CSMD3: variants seen among roughly 807,000 people sequenced by gnomAD.
CSMD3 encodes the protein CUB and Sushi multiple domains 3, also known as CUB and sushi domain-containing protein 3.
In CSMD3, 177 loss-of-function variants were observed where a neutral mutation model predicts 435.2. That is an observed-to-expected ratio of 0.41 (90% CI 0.36 to 0.46). The LOEUF is 0.46. Among genes scored for constraint, CSMD3 ranks in the 20% least tolerant of loss-of-function variants. The pLI is 0.34. For synonymous variants in CSMD3, 1,656 were observed against 1,520.5 expected (o/e 1.09, Z -2.07); for missense variants, 4,265 against 4,504.6 (o/e 0.95, Z 1.52).
At chr8:112,545,424 A>C (rs1827067280) in intron 27 of CSMD3, among the ~76,000 whole-genome samples, 1 of 142,302 alleles carries the variant, frequency 7.0e-6, no homozygotes, top group Non-Finnish European at 1.5e-5. Flanking sequence ...TGTAGGTTGC[A>C]GTGACCCAAG....
At chr8:113,226,859 A>G (rs1303953833) in intron 3 of CSMD3, among the ~76,000 whole-genome samples, 1 of 151,552 alleles carries the variant, frequency 6.6e-6, no homozygotes, top group Non-Finnish European at 1.5e-5. Flanking sequence ...TCCCATAAAG[A>G]TATAATAAAG....
intron 22 of CSMD3, among the ~76,000 whole-genome samples, chr8:112,626,373 C>G (rs1834475677): frequency 6.6e-6 from 1 of 151,970 alleles, no homozygotes; most frequent in Non-Finnish European, 1.5e-5. Context: ...TACATTTGAA[C>G]CTATCTTAGC....
chr8:112,641,523 G>C (rs1384145891), intron 20 of CSMD3, among the ~76,000 whole-genome samples: 7 of 152,018 alleles, frequency 4.6e-5, no homozygotes, highest in Non-Finnish European at 1.0e-4. Context: ...GTCCGTAGAG[G>C]GGTATAAAAA....
At chr8:113,325,328 T>G (rs562163957) in intron 1 of CSMD3, among the ~76,000 whole-genome samples, 1 of 152,266 alleles carries the variant, frequency 6.6e-6, no homozygotes, top group South Asian at 2.1e-4. Flanking sequence ...CAGTGAGAGA[T>G]AATTGAATCA....
intron 27 of CSMD3, among the ~76,000 whole-genome samples, chr8:112,533,214 A>G (rs1216706218): frequency 6.6e-6 from 1 of 151,942 alleles, no homozygotes; most frequent in Non-Finnish European, 1.5e-5. Context: ...AAAGAAAAAG[A>G]GGAGTTATAA....
chr8:113,270,285 GCGA>G (rs1563632531), intron 3 of CSMD3, among the ~76,000 whole-genome samples: 1 of 79,282 alleles, frequency 1.3e-5, no homozygotes, highest in African/African-American at 7.1e-5. Flanking sequence ...AGTTAGAATG[GCGA>G]TCATTAAAAA....
At chr8:112,819,346 T>C (rs980596684) in intron 12 of CSMD3, among the ~76,000 whole-genome samples, 1 of 152,162 alleles carries the variant, frequency 6.6e-6, no homozygotes, top group African/African-American at 2.4e-5. Flanking sequence ...AATTGGTCTC[T>C]GGGTCTGGCA....
chr8:112,680,239 T>C (rs2075858861), intron 16 of CSMD3, among the ~76,000 whole-genome samples: 2 of 152,118 alleles, frequency 1.3e-5, no homozygotes, highest in Admixed American at 1.3e-4. Flanking sequence ...GCACCTATAG[T>C]CCCAGCTACT....
chr8:113,288,411 C>T (rs2093661388), intron 2 of CSMD3, among the ~76,000 whole-genome samples: 1 of 151,848 alleles, frequency 6.6e-6, no homozygotes, highest in African/African-American at 2.4e-5. Flanking sequence ...ACATTTTCTC[C>T]AGACCCATGA....
At chr8:113,435,469 C>G (rs906464883) in intron 1 of CSMD3, among the ~76,000 whole-genome samples, 3 of 152,158 alleles carry the variant, frequency 2.0e-5, no homozygotes, top group African/African-American at 7.2e-5. Context: ...GGACAGCCAG[C>G]TGCAAGCTGG....
intron 4 of CSMD3, among the ~76,000 whole-genome samples, chr8:113,115,494 G>A (rs927660763): frequency 6.6e-6 from 1 of 152,028 alleles, no homozygotes; most frequent in Non-Finnish European, 1.5e-5. Flanking sequence ...ACATTTCTAC[G>A]TTATAGCATA....
intron 2 of CSMD3, among the ~76,000 whole-genome samples, chr8:113,292,248 T>G (rs889046979): frequency 2.0e-5 from 3 of 151,666 alleles, no homozygotes; most frequent in African/African-American, 7.2e-5. Context: ...AATAAAAAAT[T>G]TATAAGTTAT....
chr8:112,229,677 C>A (rs114021972), intron 69 of CSMD3, among the ~76,000 whole-genome samples: 51 of 152,198 alleles, frequency 3.4e-4, no homozygotes, highest in African/African-American at 1.2e-3. Context: ...GATCCACATG[C>A]CTAAGCTTCC....
In CSMD3 at chr8:112,366,514, C is replaced by G. The variant is rs1586890879; in HGVS notation, c.6136+13838G>C. Among the ~76,000 whole-genome samples, 6 of 152,292 alleles carry G rather than the reference C, an allele frequency of 3.9e-5. 1 individual carries two copies. Among genetic ancestry groups the G allele is most frequent in the Admixed American group, 3.9e-4 (6 of 15,292 alleles). ...CCGGGTTCAAGGGATTCTCTTGCCT[C>G]AGCCTCCTGAGTAGTTGGGATTACA... On this transcript the variant is annotated intron_variant, in intron 38 of 70. Coordinates refer to ENST00000297405, the MANE Select transcript of CSMD3 (RefSeq NM_198123.2).
At chr8:112,957,539 C>CG (rs2084067897) in intron 7 of CSMD3, among the ~76,000 whole-genome samples, 5 of 151,564 alleles carry the variant, frequency 3.3e-5, no homozygotes, top group Admixed American at 3.3e-4. Flanking sequence ...CTGGAACCTC[C>CG]GTCCCCCGGA....
intron 52 of CSMD3, among the ~76,000 whole-genome samples, chr8:112,303,114 GATA>G (rs1329874804): frequency 3.3e-5 from 5 of 152,022 alleles, no homozygotes; most frequent in Non-Finnish European, 7.4e-5. Context: ...TTCTGTTGTA[GATA>G]ATAATTACCT....
At chr8:112,869,217 T>G (rs2081065303) in intron 10 of CSMD3, among the ~76,000 whole-genome samples, 1 of 152,190 alleles carries the variant, frequency 6.6e-6, no homozygotes, top group African/African-American at 2.4e-5. Context: ...CCTACTGGCA[T>G]AAGCACATTA....
rs78849036 is a variant in CSMD3 at position 112,377,757 on chromosome 8, A to G, written c.6136+2595T>C. Among the ~76,000 whole-genome samples the G allele has an allele frequency of 2.0e-3, 304 of 152,276 alleles. 1 individual carries two copies. The highest frequency in any genetic ancestry group is 6.8e-3 in the African/African-American group (282 of 41,574). ...TGAAGAATACAAGGCACATAATTGT[A>G]TCAATGAATGCAAAAAAAGTATTTG... On this transcript the variant is annotated intron_variant, in intron 38 of 70. Coordinates refer to ENST00000297405, the MANE Select transcript of CSMD3 (RefSeq NM_198123.2).
chr8:112,937,085 T>G (rs1363609180), intron 9 of CSMD3, among the ~76,000 whole-genome samples: 1 of 152,140 alleles, frequency 6.6e-6, no homozygotes, highest in East Asian at 1.9e-4. Context: ...GTTATTCATG[T>G]TATCTTCTTT....
Sources: allele counts gnomAD v4.1 joint callset (sites outside exome capture counted in the v4.1 genomes callset), GRCh38; gene constraint gnomAD v4.1.1; transcripts MANE v1.5; gene names NCBI Gene and HGNC (gene_info 2026-07-23, HGNC 2026-07-21).